SLC1A1: variants seen among roughly 807,000 people sequenced by gnomAD.
The protein encoded by SLC1A1 is excitatory amino acid transporter 3.
In SLC1A1, 43 loss-of-function variants were observed where a neutral mutation model predicts 53.3. The observed-to-expected ratio is 0.81, with a 90% CI of 0.63 to 1.04. The LOEUF (loss-of-function observed/expected upper bound fraction) is 1.04. Ranked by LOEUF, SLC1A1 falls within the 50% of genes least tolerant of loss-of-function variation. The probability of loss-of-function intolerance (pLI) is 0.00; values close to 1 mark genes in which losing one functional copy is unlikely to be tolerated. For synonymous variants in SLC1A1, 307 were observed against 243.2 expected (o/e 1.26, Z -2.44); for missense variants, 748 against 664.9 (o/e 1.12, Z -1.37).
chr9:4,495,776 T>G (rs910671447), intron 1 of SLC1A1, among the ~76,000 whole-genome samples: 1 of 151,238 alleles, frequency 6.6e-6, no homozygotes, highest in African/African-American at 2.4e-5. Context: ...CAGCCAGGAG[T>G]GGAACAGAAT....
chr9:4,513,277 G>C (rs965282927), intron 1 of SLC1A1, among the ~76,000 whole-genome samples: 1 of 152,156 alleles, frequency 6.6e-6, no homozygotes, highest in Non-Finnish European at 1.5e-5. Context: ...TACAGACTGG[G>C]AGAAAAGAAT....
Position 4,583,671 on chromosome 9 carries a change from T to G in SLC1A1, c.1328+499T>G, listed in dbSNP as rs992411985. On this transcript the variant is annotated intron_variant, in intron 11 of 11. Coordinates refer to ENST00000262352, the MANE Select transcript of SLC1A1 (RefSeq NM_004170.6). The surrounding 1 kb of genome is among the most constrained non-coding windows in gnomAD (Gnocchi z 4.6). The stretch of plus-strand genomic sequence containing the variant: ...AAGTTTCCTTAACCTGAGGCCCAGT[T>G]GCATAATCTGTGAGATGGGAAAAAA... 6.6e-6 allele frequency among the ~76,000 whole-genome samples: 1 copy of G among 152,186 alleles called. No individual in the cohort carries two copies. Among genetic ancestry groups the G allele is most frequent in the Non-Finnish European group, 1.5e-5 (1 of 68,032 alleles).
At chr9:4,584,984 T>C (rs1194536811) in intron 11 of SLC1A1, among the ~76,000 whole-genome samples, 1 of 152,068 alleles carries the variant, frequency 6.6e-6, no homozygotes, top group Non-Finnish European at 1.5e-5. Flanking sequence ...AATCCCAAGA[T>C]AGAGGTTAGG....
chr9:4,560,380 T>A lies in SLC1A1; in HGVS notation c.233-1069T>A, dbSNP rs894860263. ...ATTAAAATTATCCTCAGGGTGAGTT[T>A]GTAACAATGTGGGAAAATGCTTACA... On this transcript the variant is annotated intron_variant, in intron 2 of 11. Transcript: ENST00000262352. Among the ~76,000 whole-genome samples, 9 of 152,172 alleles carry A rather than the reference T, an allele frequency of 5.9e-5. No individual in the cohort carries two copies. In the East Asian group the frequency reaches 1.5e-3, roughly 26 times the overall value.
intron 1 of SLC1A1, among the ~76,000 whole-genome samples, chr9:4,512,501 C>T (rs554392895): frequency 1.3e-5 from 2 of 151,930 alleles, no homozygotes; most frequent in South Asian, 2.1e-4. Flanking sequence ...GAGTGAGATC[C>T]TGTCTCCAAA....
chr9:4,505,228 T>A (rs2130805447), intron 1 of SLC1A1, among the ~76,000 whole-genome samples: 1 of 152,004 alleles, frequency 6.6e-6, no homozygotes, highest in East Asian at 1.9e-4. Flanking sequence ...TTTGTATTTT[T>A]AATAAAGATG....
chr9:4,565,948 G>C (rs569617321), intron 4 of SLC1A1, 99 bp from the exon 5 acceptor site: 1 of 915,498 alleles, frequency 1.1e-6, no homozygotes, highest in Non-Finnish European at 1.8e-6. Flanking sequence ...AGAAACCAGA[G>C]TACTAGTTTT....
chr9:4,574,348 G>A (rs1394078178), intron 8 of SLC1A1, among the ~76,000 whole-genome samples: 1 of 152,194 alleles, frequency 6.6e-6, no homozygotes, highest in East Asian at 1.9e-4. Context: ...CCTTAAGAAT[G>A]TAAACTAGCC....
At chr9:4,520,414 T>C (rs1312958343) in intron 1 of SLC1A1, among the ~76,000 whole-genome samples, 1 of 152,186 alleles carries the variant, frequency 6.6e-6, no homozygotes, top group Non-Finnish European at 1.5e-5. Context: ...TATCTATTTT[T>C]CTTTTTTCCC....
chr9:4,531,473 T>G (rs989071009), intron 1 of SLC1A1, among the ~76,000 whole-genome samples: 1 of 152,156 alleles, frequency 6.6e-6, no homozygotes, highest in Non-Finnish European at 1.5e-5. Context: ...CACAGCAGTC[T>G]GAGATCAAAC....
chr9:4,546,898 T>C (rs1027509201), intron 2 of SLC1A1, among the ~76,000 whole-genome samples: 2 of 152,266 alleles, frequency 1.3e-5, no homozygotes, highest in African/African-American at 4.8e-5. Context: ...TACTATATTT[T>C]GCACGCAATT....
In SLC1A1 at chr9:4,583,401, T is replaced by C. The variant is rs530474030; in HGVS notation, c.1328+229T>C. Reference sequence around the variant, plus strand: ...GTGAGCTCCATTAGCTCATTATACCTGGTAACACTCAAGCTTAGGAGCTGG... The same window carrying C: ...GTGAGCTCCATTAGCTCATTATACCCGGTAACACTCAAGCTTAGGAGCTGG... On this transcript the variant is annotated intron_variant, in intron 11 of 11. Coordinates refer to ENST00000262352, the MANE Select transcript of SLC1A1 (RefSeq NM_004170.6). The surrounding 1 kb of genome is among the most constrained non-coding windows in gnomAD (Gnocchi z 4.6). Among the ~76,000 whole-genome samples, 2 of 152,290 alleles carry C rather than the reference T, an allele frequency of 1.3e-5. No individual in the cohort carries two copies. Among genetic ancestry groups the C allele is most frequent in the East Asian group, 1.9e-4 (1 of 5,184 alleles).
chr9:4,573,189 G>A (rs972807096), intron 7 of SLC1A1, among the ~76,000 whole-genome samples: 12 of 152,094 alleles, frequency 7.9e-5, no homozygotes, highest in Non-Finnish European at 1.5e-5. Flanking sequence ...ATGCCAAAAA[G>A]TCCACCTTTC....
At chr9:4,581,471 G>A (rs1017014267) in intron 10 of SLC1A1, among the ~76,000 whole-genome samples, 3 of 152,198 alleles carry the variant, frequency 2.0e-5, no homozygotes, top group Non-Finnish European at 4.4e-5. Flanking sequence ...AAGGCTCAAG[G>A]ACAGAGTTTT....
At chr9:4,506,103 G>A (rs1463754410) in intron 1 of SLC1A1, among the ~76,000 whole-genome samples, 1 of 152,150 alleles carries the variant, frequency 6.6e-6, no homozygotes, top group Non-Finnish European at 1.5e-5. Context: ...TGGGATTACA[G>A]GCTCCTGCCG....
intron 1 of SLC1A1, among the ~76,000 whole-genome samples, chr9:4,491,210 C>A (rs1820225323): frequency 6.6e-6 from 1 of 152,224 alleles, no homozygotes; most frequent in African/African-American, 2.4e-5. Flanking sequence ...AGTTCTCAGT[C>A]GAATTGGAAG....
chr9:4,546,937 C>T (rs1031371671), intron 2 of SLC1A1, among the ~76,000 whole-genome samples: 1 of 152,164 alleles, frequency 6.6e-6, no homozygotes, highest in African/African-American at 2.4e-5. Flanking sequence ...ACCTGATGAG[C>T]AATACTATTG....
chr9:4,499,606 C>G (rs1290594496), intron 1 of SLC1A1, among the ~76,000 whole-genome samples: 1 of 152,070 alleles, frequency 6.6e-6, no homozygotes, highest in Non-Finnish European at 1.5e-5. Context: ...GATCTAAACA[C>G]AAAATTATAA....
At chr9:4,514,030 T>A (rs1435215500) in intron 1 of SLC1A1, among the ~76,000 whole-genome samples, 2 of 152,128 alleles carry the variant, frequency 1.3e-5, no homozygotes, top group African/African-American at 4.8e-5. Flanking sequence ...TGCTAGAGGT[T>A]AGGAATGGAG....
Sources: allele counts gnomAD v4.1 joint callset (sites outside exome capture counted in the v4.1 genomes callset), GRCh38; gene constraint gnomAD v4.1.1; non-coding constraint Gnocchi (gnomAD v3.1); transcripts MANE v1.5; gene names NCBI Gene and HGNC (gene_info 2026-07-23, HGNC 2026-07-21).